Variants in CALN1 observed in about 807,000 individuals in gnomAD.
CALN1 encodes calneuron 1, also known as calcium-binding protein 8.
Under a neutral mutation model 30.6 loss-of-function variants are expected in CALN1, and 17 were observed. The observed-to-expected ratio is 0.56, with a 90% CI of 0.38 to 0.83. CALN1 has a LOEUF of 0.83. Among genes scored for constraint, CALN1 ranks in the 40% least tolerant of loss-of-function variants. CALN1 has a pLI of 0.00. For missense variants in CALN1, 291 were observed against 354.9 expected (o/e 0.82, Z 1.45); for synonymous variants, 156 against 131.4 (o/e 1.19, Z -1.28).
intron 3 of CALN1, among the ~76,000 whole-genome samples, chr7:72,173,323 G>A (rs1198006978): frequency 6.6e-6 from 1 of 151,876 alleles, no homozygotes; most frequent in African/African-American, 2.4e-5. Context: ...AGACCTAAAT[G>A]AATATATATA....
At chr7:72,348,633 G>C (rs1159543271) in intron 2 of CALN1, among the ~76,000 whole-genome samples, 2 of 152,222 alleles carry the variant, frequency 1.3e-5, no homozygotes, top group Non-Finnish European at 2.9e-5. Context: ...AAATAGGCAA[G>C]TTCTGATGAT....
intron 5 of CALN1, among the ~76,000 whole-genome samples, chr7:71,946,687 A>G (rs1259548534): frequency 6.6e-6 from 1 of 151,848 alleles, no homozygotes; most frequent in Non-Finnish European, 1.5e-5. Flanking sequence ...ATACACATAC[A>G]TCATTTTCCC....
chr7:72,308,374 A>AGG (rs1308000221), intron 2 of CALN1, among the ~76,000 whole-genome samples: 1,261 of 7,402 alleles, frequency 0.17, 116 homozygotes, highest in Middle Eastern at 0.33. Context: ...TGGGGGGGGG[A>AGG]GAGAGAGAGA....
intron 3 of CALN1, among the ~76,000 whole-genome samples, chr7:72,142,903 C>T (rs901928188): frequency 6.6e-6 from 1 of 152,188 alleles, no homozygotes; most frequent in African/African-American, 2.4e-5. Flanking sequence ...AACTGACCTG[C>T]AGCTGAGGGT....
At position 71,965,086 on chromosome 7, in the gene CALN1, G is replaced by A. The variant is rs546516402; in HGVS notation, c.501+58571C>T. 3.3e-5 allele frequency among the ~76,000 whole-genome samples: 5 copies of A among 152,184 alleles called. No homozygotes were observed. In the South Asian group the frequency reaches 6.2e-4, roughly 19 times the overall value. ...TCTGTCCCCCAGGCTAGAGTGCAGTGGTGCCATCGTAGCTCACTGCAGCCT... is the reference window on the plus strand; with the variant it reads ...TCTGTCCCCCAGGCTAGAGTGCAGTAGTGCCATCGTAGCTCACTGCAGCCT... On this transcript the variant is annotated intron_variant, in intron 5 of 6. Transcript: ENST00000395275.
chr7:72,196,799 T>C (rs1791040634), intron 3 of CALN1, among the ~76,000 whole-genome samples: 1 of 152,108 alleles, frequency 6.6e-6, no homozygotes, highest in African/African-American at 2.4e-5. Flanking sequence ...ATGAGTTAGA[T>C]ATTTTTATTC....
At chr7:71,819,022 T>TA (rs1437800715) in intron 5 of CALN1, among the ~76,000 whole-genome samples, 1 of 151,986 alleles carries the variant, frequency 6.6e-6, no homozygotes, top group Non-Finnish European at 1.5e-5. Context: ...AGCTTATTTT[T>TA]AAAAAATAGT....
intron 2 of CALN1, among the ~76,000 whole-genome samples, chr7:72,374,264 C>G (rs1481785445): frequency 1.3e-5 from 2 of 152,144 alleles, no homozygotes; most frequent in African/African-American, 4.8e-5. Context: ...TGCAGTGGCT[C>G]ACGCCTATAA....
intron 5 of CALN1, among the ~76,000 whole-genome samples, chr7:71,860,320 G>A (rs1353453249): frequency 6.6e-6 from 1 of 151,862 alleles, no homozygotes; most frequent in African/African-American, 2.4e-5. Context: ...AGCCTCCTGA[G>A]TAGCTGGGAC....
At chr7:72,365,233 A>G (rs1803810849) in intron 2 of CALN1, among the ~76,000 whole-genome samples, 1 of 152,150 alleles carries the variant, frequency 6.6e-6, no homozygotes, top group Non-Finnish European at 1.5e-5. Flanking sequence ...TGAACCCAGG[A>G]GGGTTCAGCA....
At chr7:71,792,672 G>A (rs533711626) in intron 6 of CALN1, among the ~76,000 whole-genome samples, 8 of 152,226 alleles carry the variant, frequency 5.3e-5, no homozygotes, top group Non-Finnish European at 8.8e-5. Flanking sequence ...AAAATAAGAC[G>A]AGAATGTGGA....
chr7:71,986,909 C>T (rs1460815026), intron 5 of CALN1, among the ~76,000 whole-genome samples: 1 of 152,162 alleles, frequency 6.6e-6, no homozygotes, highest in Non-Finnish European at 1.5e-5. Flanking sequence ...AGGCAGATCA[C>T]TTGAGACCAG....
intron 2 of CALN1, among the ~76,000 whole-genome samples, chr7:72,344,898 T>C (rs1490388675): frequency 8.8e-5 from 13 of 147,588 alleles, no homozygotes; most frequent in Non-Finnish European, 1.9e-4. Context: ...CATATATTTA[T>C]ATCATATATA....
chr7:72,382,339 G>C (rs1265302090), intron 2 of CALN1, among the ~76,000 whole-genome samples: 2 of 152,208 alleles, frequency 1.3e-5, no homozygotes, highest in South Asian at 2.1e-4. Flanking sequence ...AAGAAATAAA[G>C]AGAATCTGGG....
chr7:71,812,915 T>TCA (rs1788038792), intron 5 of CALN1, among the ~76,000 whole-genome samples: 1 of 111,560 alleles, frequency 9.0e-6, no homozygotes, highest in African/African-American at 3.4e-5. Flanking sequence ...AGCTATTTTA[T>TCA]TTATCATCAT....
intron 3 of CALN1, among the ~76,000 whole-genome samples, chr7:72,273,520 T>C (rs965633474): frequency 1.9e-4 from 19 of 98,380 alleles, no homozygotes; most frequent in African/African-American, 6.0e-4. Flanking sequence ...TTTTTTTTTT[T>C]CTTCCCCCTA....
At chr7:72,246,341 C>A (rs1269449060) in intron 3 of CALN1, among the ~76,000 whole-genome samples, 1 of 152,118 alleles carries the variant, frequency 6.6e-6, no homozygotes, top group East Asian at 1.9e-4. Flanking sequence ...AGGGCTCCTG[C>A]AGACACCTCT....
intron 5 of CALN1, among the ~76,000 whole-genome samples, chr7:71,883,660 G>C (rs1263141040): frequency 6.6e-6 from 1 of 152,124 alleles, no homozygotes; most frequent in African/African-American, 2.4e-5. Context: ...TGTATCTACT[G>C]CTCCTTGTGT....
chr7:72,320,756 G>T (rs1800815840), intron 2 of CALN1, among the ~76,000 whole-genome samples: 1 of 148,208 alleles, frequency 6.7e-6, no homozygotes, highest in Non-Finnish European at 1.5e-5. Context: ...AATTGCTTGA[G>T]CCAGGGAGGC....
Sources: gnomAD v4.1 joint callset for allele counts (sites outside exome capture counted in the v4.1 genomes callset) on GRCh38, gnomAD v4.1.1 for gene constraint, MANE v1.5 for transcripts, NCBI Gene and HGNC (gene_info 2026-07-23, HGNC 2026-07-21) for gene names.